KITLG: variants seen among roughly 807,000 people sequenced by gnomAD.
KITLG encodes c-Kit ligand.
In KITLG, 13 loss-of-function variants were observed where a neutral mutation model predicts 34.1. The ratio of observed to expected loss-of-function variants is 0.38; its 90% CI spans 0.25 to 0.61. KITLG has a LOEUF of 0.61. Ranked by LOEUF, KITLG falls within the 20% of genes least tolerant of loss-of-function variation. The pLI is 0.60. For missense variants in KITLG, 292 were observed against 318.9 expected (o/e 0.92, Z 0.64); for synonymous variants, 110 against 104.0 (o/e 1.06, Z -0.35).
intron 1 of KITLG, among the ~76,000 whole-genome samples, chr12:88,556,418 G>A (rs1344321213): frequency 1.3e-5 from 2 of 152,036 alleles, no homozygotes; most frequent in Admixed American, 1.3e-4. Flanking sequence ...AAACCTGGGG[G>A]CATGAGGCCC....
chr12:88,563,363 A>C (rs534357494), intron 1 of KITLG, among the ~76,000 whole-genome samples: 1 of 152,282 alleles, frequency 6.6e-6, no homozygotes, highest in Admixed American at 6.5e-5. Context: ...ACTCATTCCT[A>C]CTTTGACCAA....
intron 2 of KITLG, among the ~76,000 whole-genome samples, 163 bp from the exon 3 acceptor site, chr12:88,532,666 CTG>C (rs1329064474): frequency 6.6e-6 from 1 of 152,082 alleles, no homozygotes; most frequent in African/African-American, 2.4e-5. Flanking sequence ...TGATTTCCCT[CTG>C]TAATCAAAAG....
At chr12:88,522,707 A>T (rs907164959) in intron 3 of KITLG, among the ~76,000 whole-genome samples, 5 of 151,996 alleles carry the variant, frequency 3.3e-5, no homozygotes, top group Non-Finnish European at 7.4e-5. Flanking sequence ...GGATTACAGG[A>T]GTGAGCCACC....
chr12:88,533,349 T>C (rs1269692678), intron 2 of KITLG, among the ~76,000 whole-genome samples: 1 of 152,208 alleles, frequency 6.6e-6, no homozygotes. Flanking sequence ...GATACCTATG[T>C]CAAATGGTCA....
intron 1 of KITLG, among the ~76,000 whole-genome samples, chr12:88,579,581 T>G (rs1871942963): frequency 6.6e-6 from 1 of 152,116 alleles, no homozygotes; most frequent in African/African-American, 2.4e-5. Context: ...GGTGCCTATT[T>G]TATAAAAAGC....
rs1191617363 is a variant in KITLG at position 88,494,446 on chromosome 12, A to G, written c.*2773T>C. On this transcript the variant is annotated 3_prime_UTR_variant, in exon 10 of 10. Coordinates refer to ENST00000644744, the MANE Select transcript of KITLG (RefSeq NM_000899.5). Reference sequence around the variant, plus strand: ...ATGTATTTAATTCTTACTAAAACCAATACTTCATTAGGTATGCATATTTTT... The same window carrying G: ...ATGTATTTAATTCTTACTAAAACCAGTACTTCATTAGGTATGCATATTTTT... The G allele has an allele frequency of 6.6e-6, 1 of 152,352 alleles. No homozygotes were observed. The highest frequency in any genetic ancestry group is 1.5e-5 in the Non-Finnish European group (1 of 67,888). The allele number at this position is 152,352 out of a possible 1,614,324, so 9.4% of individuals were successfully genotyped here.
chr12:88,565,899 G>A (rs540237305), intron 1 of KITLG, among the ~76,000 whole-genome samples: 39 of 152,166 alleles, frequency 2.6e-4, no homozygotes, highest in Admixed American at 5.9e-4. Flanking sequence ...AATAAGCATC[G>A]GAAATCAACA....
At chr12:88,534,890 G>C in intron 2 of KITLG, 1 of 285,786 alleles carries the variant, frequency 3.5e-6, no homozygotes, top group Non-Finnish European at 6.8e-6. Context: ...AGACAGAGCA[G>C]ACCTGTTGCA....
intron 6 of KITLG, among the ~76,000 whole-genome samples, chr12:88,512,521 CAA>C (rs1407077080): frequency 1.3e-5 from 2 of 151,640 alleles, no homozygotes; most frequent in African/African-American, 4.8e-5. Context: ...TGAGGGAAAA[CAA>C]ATATATAGAT....
intron 2 of KITLG, among the ~76,000 whole-genome samples, chr12:88,536,249 C>T (rs1870312722): frequency 6.6e-6 from 1 of 152,106 alleles, no homozygotes; most frequent in Non-Finnish European, 1.5e-5. Flanking sequence ...AAGACACAGA[C>T]ATTTCTCAAA....
chr12:88,554,263 C>CA lies in KITLG; in HGVS notation c.16-8399dup, dbSNP rs527548876. On this transcript the variant is annotated intron_variant, in intron 1 of 9. Coordinates refer to ENST00000644744, the MANE Select transcript of KITLG (RefSeq NM_000899.5). ...TACCAATCCTCTAAACTTGGAAAAACAAAAAAATAAAATACAGAAAAAAAG... is the reference window on the plus strand; with the variant it reads ...TACCAATCCTCTAAACTTGGAAAAACAAAAAAAATAAAATACAGAAAAAAAG... Among the ~76,000 whole-genome samples, 18 of 151,682 alleles carry CA rather than the reference C, an allele frequency of 1.2e-4. No individual in the cohort carries two copies. The East Asian group carries it at 3.1e-3, about 26-fold the overall frequency.
intron 1 of KITLG, among the ~76,000 whole-genome samples, chr12:88,567,538 T>C (rs1461323310): frequency 6.6e-6 from 1 of 152,166 alleles, no homozygotes; most frequent in Non-Finnish European, 1.5e-5. Flanking sequence ...CAAAGATGAA[T>C]CTGGACAACC....
Position 88,532,506 on chromosome 12 carries a change from A to G in KITLG, c.130-3T>C. 6.2e-7 allele frequency: 1 copy of G among 1,601,496 alleles called. No individual in the cohort carries two copies. Among genetic ancestry groups the G allele is most frequent in the African/African-American group, 1.3e-5 (1 of 74,112 alleles). On this transcript the variant is annotated splice_polypyrimidine_tract_variant and splice_region_variant and intron_variant, in intron 2 of 9. Coordinates refer to ENST00000644744, the MANE Select transcript of KITLG (RefSeq NM_000899.5). ...TAGTCTTTTGGAAGATTTGCCACCT[A>G]CAGAGACAAAAAAAAAAATTCCATA...
At chr12:88,510,374 TAA>T (rs796873652) in intron 6 of KITLG, among the ~76,000 whole-genome samples, 72 of 152,268 alleles carry the variant, frequency 4.7e-4, no homozygotes, top group African/African-American at 1.6e-3. Context: ...TGAACTCTTA[TAA>T]GACATCAGTT....
chr12:88,516,502 A>C lies in KITLG; in HGVS notation c.364-12T>G, dbSNP rs369083870. 1 of 1,577,640 alleles carries C rather than the reference A, an allele frequency of 6.3e-7. No individual in the cohort carries two copies. The highest frequency in any genetic ancestry group is 8.7e-7 in the Non-Finnish European group (1 of 1,155,050). On this transcript the variant is annotated splice_polypyrimidine_tract_variant and intron_variant, in intron 4 of 9. Transcript: ENST00000644744. Reference sequence around the variant, plus strand: ...GATTTTTTTAGATCCTAGAAGAAAAAATAGGATTACATTTTTCAAATAGTC... The same window carrying C: ...GATTTTTTTAGATCCTAGAAGAAAACATAGGATTACATTTTTCAAATAGTC...
chr12:88,549,304 T>G (rs1369902452), intron 1 of KITLG, among the ~76,000 whole-genome samples: 1 of 152,008 alleles, frequency 6.6e-6, no homozygotes, highest in African/African-American at 2.4e-5. Flanking sequence ...AGAATAAAAA[T>G]AAATTAATTA....
intron 1 of KITLG, among the ~76,000 whole-genome samples, chr12:88,575,970 A>G (rs372795747): frequency 3.3e-5 from 5 of 152,304 alleles, no homozygotes; most frequent in African/African-American, 1.2e-4. Flanking sequence ...GACACCCCAC[A>G]GAAATGAATG....
chr12:88,521,945 T>C (rs1031156532), intron 3 of KITLG, among the ~76,000 whole-genome samples: 2 of 152,156 alleles, frequency 1.3e-5, no homozygotes, highest in Admixed American at 1.3e-4. Flanking sequence ...GACTCAATGA[T>C]ATTGACTCAA....
intron 1 of KITLG, among the ~76,000 whole-genome samples, chr12:88,566,854 T>A (rs1217207185): frequency 6.6e-6 from 1 of 152,182 alleles, no homozygotes; most frequent in Non-Finnish European, 1.5e-5. Context: ...AATTATAGGA[T>A]CTACCCCTAC....
Sources: gnomAD v4.1 joint callset for allele counts (sites outside exome capture counted in the v4.1 genomes callset) on GRCh38, gnomAD v4.1.1 for gene constraint, MANE v1.5 for transcripts, NCBI Gene and HGNC (gene_info 2026-07-23, HGNC 2026-07-21) for gene names.